SLC44A5: variants seen among roughly 807,000 people sequenced by gnomAD.
SLC44A5 encodes solute carrier family 44 member 5.
A neutral mutation model predicts 101.8 loss-of-function variants in SLC44A5; 57 were observed. That is an observed-to-expected ratio of 0.56 (90% confidence interval 0.45 to 0.70). SLC44A5 has a LOEUF of 0.70. SLC44A5 is among the 30% of genes least tolerant of loss of function. The pLI, the probability that SLC44A5 is intolerant of heterozygous loss-of-function variation, is 0.00. For synonymous variants in SLC44A5, 281 were observed against 290.9 expected (o/e 0.97, Z 0.35); for missense variants, 737 against 853.1 (o/e 0.86, Z 1.70).
the SLC44A5 span, among the ~76,000 whole-genome samples, chr1:75,658,063 C>T: frequency 0.012 from 1,822 of 151,348 alleles, 35 homozygotes; most frequent in African/African-American, 0.043. Context: ...CATGCTAGGC[C>T]ACAAACAAAT....
At chr1:75,531,198 A>G (rs1670702156) in intron 2 of SLC44A5, among the ~76,000 whole-genome samples, 1 of 152,250 alleles carries the variant, frequency 6.6e-6, no homozygotes, top group South Asian at 2.1e-4. Context: ...AAGATTTTTT[A>G]AAGCCTGTCC....
the SLC44A5 span, among the ~76,000 whole-genome samples, chr1:75,635,992 G>T: frequency 6.6e-6 from 1 of 151,788 alleles, no homozygotes; most frequent in Non-Finnish European, 1.5e-5. Flanking sequence ...TAACGTCAAG[G>T]CTTCAGGGTA....
In SLC44A5 at chr1:75,251,305, A is replaced by G. The variant is rs1183596267; in HGVS notation, c.261-11T>C. On this transcript the variant is annotated splice_polypyrimidine_tract_variant and intron_variant, in intron 6 of 23. Transcript: ENST00000370859. ...AAAATGGTCTTGTTCCTGTTAAGAA[A>G]GAAAACATAATCTTTTTAGTGACCA... 2 of 1,600,304 alleles carry G rather than the reference A, an allele frequency of 1.2e-6. No homozygotes were observed. The highest frequency in any genetic ancestry group is 1.7e-6 in the Non-Finnish European group (2 of 1,168,604).
chr1:75,634,284 T>G, the SLC44A5 span, among the ~76,000 whole-genome samples: 1 of 152,176 alleles, frequency 6.6e-6, no homozygotes, highest in South Asian at 2.1e-4. Flanking sequence ...TGGAATAGTT[T>G]CAGAAGGAAT....
chr1:75,631,512 A>G, the SLC44A5 span, among the ~76,000 whole-genome samples: 1 of 145,494 alleles, frequency 6.9e-6, no homozygotes. Context: ...AGCTGGGACT[A>G]TAGGCATGCA....
intron 2 of SLC44A5, among the ~76,000 whole-genome samples, chr1:75,478,744 T>C (rs918838081): frequency 1.3e-5 from 2 of 152,108 alleles, no homozygotes; most frequent in Non-Finnish European, 2.9e-5. Flanking sequence ...GCCCCCAGAT[T>C]CATAAAGCAA....
chr1:75,591,970 A>G (rs753816635), intron 1 of SLC44A5, among the ~76,000 whole-genome samples: 1 of 152,222 alleles, frequency 6.6e-6, no homozygotes, highest in Non-Finnish European at 1.5e-5. Flanking sequence ...GATATGGGAC[A>G]TGACAAGGAT....
chr1:75,465,821 T>C (rs927653094), intron 2 of SLC44A5, among the ~76,000 whole-genome samples: 1 of 151,998 alleles, frequency 6.6e-6, no homozygotes, highest in African/African-American at 2.4e-5. Context: ...ACTACCAAGA[T>C]TGAACCAGGA....
the SLC44A5 span, among the ~76,000 whole-genome samples, chr1:75,686,043 C>G: frequency 6.6e-6 from 1 of 152,084 alleles, no homozygotes; most frequent in East Asian, 1.9e-4. Flanking sequence ...TTAAAACCAA[C>G]AGATCTCATG....
chr1:75,590,508 A>C (rs575803237), intron 1 of SLC44A5, among the ~76,000 whole-genome samples: 2 of 152,264 alleles, frequency 1.3e-5, no homozygotes, highest in East Asian at 3.9e-4. Context: ...TGGGGTCCCC[A>C]ATTCCAGGAC....
Position 75,203,635 on chromosome 1 carries a change from C to A in SLC44A5, c.*92G>T. The A allele has an allele frequency of 1.4e-6, 2 of 1,430,948 alleles. No homozygotes were observed. The highest frequency in any genetic ancestry group is 1.9e-6 in the Non-Finnish European group (2 of 1,078,606). The allele number at this position is 1,430,948 out of a possible 1,614,324, so 88.6% of individuals were successfully genotyped here. A position where few individuals can be genotyped will look rare whatever the true frequency, so the allele number is the denominator to read the frequency against. On this transcript the variant is annotated 3_prime_UTR_variant, in exon 24 of 24. Coordinates refer to ENST00000370859, the MANE Select transcript of SLC44A5 (RefSeq NM_001130058.2). ...CAACAAGGTCGTGAATACAGTGTTG[C>A]TAAACACAAAGCACTTATGAAACAA...
intron 2 of SLC44A5, among the ~76,000 whole-genome samples, chr1:75,446,657 C>T (rs945520085): frequency 1.3e-5 from 2 of 151,796 alleles, no homozygotes; most frequent in African/African-American, 4.8e-5. Flanking sequence ...TATACACACA[C>T]ACACACACAC....
At chr1:75,533,502 G>A (rs950538802) in intron 2 of SLC44A5, among the ~76,000 whole-genome samples, 2 of 152,134 alleles carry the variant, frequency 1.3e-5, no homozygotes, top group African/African-American at 2.4e-5. Context: ...GGAAGGCAAC[G>A]AAAAGAAGGC....
rs147803768 is a variant in SLC44A5, at chr1:75,544,932, C to T, written c.-69-3416G>A. The stretch of plus-strand genomic sequence containing the variant: ...CAGTTTTGTTACATAGGTGTATACA[C>T]GTGCCATGGTGGTTTGCTGCACCCA... On this transcript the variant is annotated intron_variant, in intron 1 of 23. Coordinates refer to ENST00000370859, the MANE Select transcript of SLC44A5 (RefSeq NM_001130058.2). 3.9e-5 allele frequency among the ~76,000 whole-genome samples: 6 copies of T among 152,134 alleles called. No homozygotes were observed. In the East Asian group the frequency reaches 9.7e-4, roughly 25 times the overall value.
chr1:75,483,065 T>C (rs188808599), intron 2 of SLC44A5, among the ~76,000 whole-genome samples: 34 of 152,316 alleles, frequency 2.2e-4, no homozygotes, highest in Admixed American at 2.1e-3. Context: ...CTGCTTCTAT[T>C]TGCTGAGCGT....
intron 2 of SLC44A5, among the ~76,000 whole-genome samples, chr1:75,477,299 G>A (rs541335515): frequency 3.3e-5 from 5 of 152,168 alleles, no homozygotes; most frequent in South Asian, 2.1e-4. Flanking sequence ...CCACAAAGAC[G>A]GGGGAAAAAA....
chr1:75,594,133 C>A (rs548501029), intron 1 of SLC44A5, among the ~76,000 whole-genome samples: 88 of 151,950 alleles, frequency 5.8e-4, no homozygotes, highest in African/African-American at 2.0e-3. Context: ...TGTGTACCCA[C>A]AGGAATTAAA....
the SLC44A5 span, among the ~76,000 whole-genome samples, chr1:75,660,467 T>A: frequency 6.6e-6 from 1 of 152,074 alleles, no homozygotes; most frequent in Non-Finnish European, 1.5e-5. Flanking sequence ...GTAGAAGTCA[T>A]AGCCAGAGCA....
chr1:75,421,549 G>C (rs1237252244), intron 2 of SLC44A5, among the ~76,000 whole-genome samples: 1 of 152,112 alleles, frequency 6.6e-6, no homozygotes, highest in South Asian at 2.1e-4. Context: ...TCATTTTGCT[G>C]AATGCATAGA....
Sources: gnomAD v4.1 joint callset for allele counts (sites outside exome capture counted in the v4.1 genomes callset) on GRCh38, gnomAD v4.1.1 for gene constraint, MANE v1.5 for transcripts, NCBI Gene and HGNC (gene_info 2026-07-23, HGNC 2026-07-21) for gene names.